Variants in PALLD observed in about 807,000 individuals in gnomAD.
PALLD encodes the protein palladin.
A neutral mutation model predicts 123.5 loss-of-function variants in PALLD; 61 were observed. That is an observed-to-expected ratio of 0.49 (90% CI 0.40 to 0.61). The LOEUF (loss-of-function observed/expected upper bound fraction) is 0.61. Ranked by LOEUF, PALLD falls within the 20% of genes least tolerant of loss-of-function variation. The pLI is 0.00. For synonymous variants in PALLD, 465 were observed against 496.4 expected (o/e 0.94, Z 0.84); for missense variants, 1,273 against 1,377.0 (o/e 0.92, Z 1.20).
intron 2 of PALLD, among the ~76,000 whole-genome samples, chr4:168,617,834 G>GT (rs1774379204): frequency 6.6e-6 from 1 of 152,144 alleles, no homozygotes; most frequent in Non-Finnish European, 1.5e-5. Flanking sequence ...TTTGAAAACT[G>GT]TAAGAGGAAA....
At chr4:168,607,479 C>A (rs905151350) in intron 2 of PALLD, among the ~76,000 whole-genome samples, 1 of 152,170 alleles carries the variant, frequency 6.6e-6, no homozygotes, top group Non-Finnish European at 1.5e-5. Flanking sequence ...GAATAATCAA[C>A]TACAGCGGAC....
intron 10 of PALLD, among the ~76,000 whole-genome samples, chr4:168,862,122 G>A (rs956336111): frequency 6.6e-6 from 1 of 152,078 alleles, no homozygotes; most frequent in African/African-American, 2.4e-5. Flanking sequence ...GTATAGAAAT[G>A]TCTGCAGTTA....
chr4:168,600,030 CAT>C (rs149735380), intron 2 of PALLD, among the ~76,000 whole-genome samples: 4 of 144,824 alleles, frequency 2.8e-5, no homozygotes, highest in East Asian at 2.0e-4. Context: ...TGTACACACA[CAT>C]ACATACATGT....
chr4:168,756,777 A>G (rs1468286261), intron 10 of PALLD, among the ~76,000 whole-genome samples: 2 of 152,254 alleles, frequency 1.3e-5, no homozygotes, highest in Non-Finnish European at 1.5e-5. Flanking sequence ...GACTCAAGCT[A>G]TAAACTTGAG....
At chr4:168,741,912 C>T (rs535546636) in intron 10 of PALLD, among the ~76,000 whole-genome samples, 3 of 152,204 alleles carry the variant, frequency 2.0e-5, no homozygotes, top group Middle Eastern at 3.4e-3. Flanking sequence ...CTTTATTTTT[C>T]GATTTGTCAG....
At chr4:168,507,870 A>C (rs1298621859) in intron 1 of PALLD, among the ~76,000 whole-genome samples, 7 of 152,176 alleles carry the variant, frequency 4.6e-5, no homozygotes, top group Non-Finnish European at 1.0e-4. Flanking sequence ...TGTTTAGCTG[A>C]AATGCTTAGT....
intron 10 of PALLD, among the ~76,000 whole-genome samples, chr4:168,852,984 C>A (rs573619625): frequency 6.6e-6 from 1 of 152,202 alleles, no homozygotes; most frequent in African/African-American, 2.4e-5. Context: ...TTAAACTTTA[C>A]AAAAAATGTC....
At chr4:168,605,663 C>T (rs1188900912) in intron 2 of PALLD, among the ~76,000 whole-genome samples, 1 of 152,216 alleles carries the variant, frequency 6.6e-6, no homozygotes, top group Non-Finnish European at 1.5e-5. Flanking sequence ...ACACACTGGG[C>T]TTGGTGCATC....
Position 168,680,152 on chromosome 4 carries a change from T to C in PALLD, c.1088-1180T>C, listed in dbSNP as rs575297968. Among the ~76,000 whole-genome samples the C allele has an allele frequency of 5.9e-5, 9 of 152,196 alleles. No homozygotes were observed. The East Asian group carries it at 1.2e-3, about 20-fold the overall frequency. On this transcript the variant is annotated intron_variant, in intron 3 of 21. Transcript: ENST00000505667. ...ATGTGAATCCATTTGTATAAATATG[T>C]ACATAAATGTAAATATGTTGATATG...
At chr4:168,614,636 G>A (rs1774045527) in intron 2 of PALLD, among the ~76,000 whole-genome samples, 1 of 152,174 alleles carries the variant, frequency 6.6e-6, no homozygotes, top group Admixed American at 6.5e-5. Context: ...CAGTGCTCAT[G>A]TAAACTTCCA....
intron 10 of PALLD, among the ~76,000 whole-genome samples, chr4:168,720,521 A>G (rs552450778): frequency 2.6e-5 from 4 of 152,324 alleles, no homozygotes; most frequent in Non-Finnish European, 5.9e-5. Context: ...AAAATTATAC[A>G]CACACTCTGA....
At chr4:168,716,731 C>T (rs1047297397) in intron 10 of PALLD, among the ~76,000 whole-genome samples, 10 of 152,106 alleles carry the variant, frequency 6.6e-5, no homozygotes, top group Non-Finnish European at 1.5e-4. Context: ...TCTTAATAAG[C>T]AATAATAAGC....
chr4:168,675,010 C>CA (rs994703088), intron 3 of PALLD, among the ~76,000 whole-genome samples: 4 of 152,148 alleles, frequency 2.6e-5, no homozygotes, highest in African/African-American at 9.7e-5. Context: ...AACTAGCTGG[C>CA]AGAGAGAGCT....
Position 168,511,710 on chromosome 4 carries a change from G to A in PALLD, c.206G>A (p.Ser69Asn). Residue 69 changes from serine to asparagine, a missense_variant, in exon 2 of 22, where the codon AGT (serine) becomes AAT (asparagine). Physicochemically the swap from Ser to Asn is conservative, Grantham distance 46. Coordinates refer to ENST00000505667, the MANE Select transcript of PALLD (RefSeq NM_001166108.2). ...GAAAAGGAGATCTCGCAGATTTTCA[G>A]TACTTCTCCTGCAAGCCTCTGTGAA... is the stretch of plus-strand genomic sequence containing the variant. ...DSEKEISQIFSTSPASLCEHP... is the reference protein window; with the variant it reads ...DSEKEISQIFNTSPASLCEHP... The A allele has an allele frequency of 6.2e-7, 1 of 1,614,180 alleles. No individual in the cohort carries two copies.
At chr4:168,553,243 T>C (rs932515231) in intron 2 of PALLD, among the ~76,000 whole-genome samples, 2 of 152,026 alleles carry the variant, frequency 1.3e-5, no homozygotes, top group Non-Finnish European at 2.9e-5. Flanking sequence ...ACCACAGCCA[T>C]GAAGGGACTC....
At chr4:168,814,358 T>G (rs898224859) in intron 10 of PALLD, among the ~76,000 whole-genome samples, 3 of 152,176 alleles carry the variant, frequency 2.0e-5, no homozygotes, top group Non-Finnish European at 4.4e-5. Flanking sequence ...ATCCCTTAAT[T>G]TATGTATCAA....
At chr4:168,853,727 A>G (rs951395978) in intron 10 of PALLD, among the ~76,000 whole-genome samples, 4 of 152,296 alleles carry the variant, frequency 2.6e-5, no homozygotes, top group African/African-American at 9.6e-5. Flanking sequence ...GGGCCAGGTG[A>G]AGGAATTTGG....
chr4:168,546,832 A>G (rs556973841), intron 2 of PALLD, among the ~76,000 whole-genome samples: 8 of 152,310 alleles, frequency 5.3e-5, no homozygotes, highest in African/African-American at 7.2e-5. Context: ...TTATACTTCT[A>G]TGGATACTAT....
chr4:168,603,922 G>C (rs931470760), intron 2 of PALLD, among the ~76,000 whole-genome samples: 4 of 152,196 alleles, frequency 2.6e-5, no homozygotes, highest in Admixed American at 6.5e-5. Context: ...TCTCCAAGTA[G>C]AAAGATAGTC....
Sources: gnomAD v4.1 joint callset for allele counts (sites outside exome capture counted in the v4.1 genomes callset) on GRCh38, gnomAD v4.1.1 for gene constraint, MANE v1.5 for transcripts, NCBI Gene and HGNC (gene_info 2026-07-23, HGNC 2026-07-21) for gene names.